The following PTDSS1 variants were observed in gnomAD, a reference collection of about 807,000 sequenced individuals.
The protein encoded by PTDSS1 is phosphatidylserine synthase 1.
In PTDSS1, 45 loss-of-function variants were observed where a neutral mutation model predicts 70.5. The observed-to-expected ratio is 0.64, with a 90% CI of 0.50 to 0.82. PTDSS1 has a LOEUF of 0.82. Ranked by LOEUF, PTDSS1 falls within the 40% of genes least tolerant of loss-of-function variation. PTDSS1 has a pLI of 0.00. For missense variants in PTDSS1, 417 were observed against 586.1 expected (o/e 0.71, Z 2.98); for synonymous variants, 188 against 203.8 (o/e 0.92, Z 0.66).
At chr8:96,316,575 G>A (rs1401830637) in intron 9 of PTDSS1, among the ~76,000 whole-genome samples, 1 of 152,178 alleles carries the variant, frequency 6.6e-6, no homozygotes, top group African/African-American at 2.4e-5. Flanking sequence ...AGGAAGCGGG[G>A]CATGGGTGGG....
intron 2 of PTDSS1, among the ~76,000 whole-genome samples, chr8:96,279,858 C>A (rs1409215822): frequency 7.0e-6 from 1 of 142,622 alleles, no homozygotes; most frequent in Non-Finnish European, 1.5e-5. Context: ...AATAAATTTT[C>A]TTTTCCTTAG....
At chr8:96,290,641 T>G (rs1810889977) in intron 4 of PTDSS1, among the ~76,000 whole-genome samples, 1 of 152,132 alleles carries the variant, frequency 6.6e-6, no homozygotes, top group South Asian at 2.1e-4. Context: ...TTCTTTAAAT[T>G]GTCTTTTGCA....
intron 4 of PTDSS1, among the ~76,000 whole-genome samples, chr8:96,294,378 G>A (rs923211370): frequency 5.3e-5 from 8 of 152,076 alleles, no homozygotes; most frequent in Non-Finnish European, 1.0e-4. Context: ...CCCAGTAAAT[G>A]TTATATTATC....
At chr8:96,306,149 G>A (rs540854117) in intron 7 of PTDSS1, among the ~76,000 whole-genome samples, 3 of 152,284 alleles carry the variant, frequency 2.0e-5, no homozygotes, top group Admixed American at 2.0e-4. Context: ...GATCACATGT[G>A]TGAGCTGAGT....
At chr8:96,306,125 C>T (rs1010993819) in intron 7 of PTDSS1, among the ~76,000 whole-genome samples, 11 of 152,154 alleles carry the variant, frequency 7.2e-5, no homozygotes, top group African/African-American at 1.4e-4. Flanking sequence ...ATTTCTCTCC[C>T]GACTATCCCA....
intron 4 of PTDSS1, 120 bp downstream of exon 4, chr8:96,287,266 A>T: frequency 1.5e-6 from 2 of 1,367,834 alleles, no homozygotes; most frequent in East Asian, 4.6e-5. Flanking sequence ...TTACCTAAAA[A>T]CCAGGTCTCT....
intron 1 of PTDSS1, among the ~76,000 whole-genome samples, chr8:96,269,228 C>A (rs1586180451): frequency 6.6e-6 from 1 of 152,286 alleles, no homozygotes; most frequent in South Asian, 2.1e-4. Flanking sequence ...ATACCTACTT[C>A]CACTCTGCCT....
intron 2 of PTDSS1, among the ~76,000 whole-genome samples, chr8:96,282,494 A>G (rs899119523): frequency 6.6e-6 from 1 of 152,188 alleles, no homozygotes; most frequent in Admixed American, 6.5e-5. Context: ...ACCCCTAACC[A>G]TCTGAGTTCT....
intron 9 of PTDSS1, among the ~76,000 whole-genome samples, chr8:96,310,311 C>T (rs186417085): frequency 1.7e-4 from 26 of 151,152 alleles, no homozygotes; most frequent in African/African-American, 2.2e-4. Flanking sequence ...ATTACAGGTG[C>T]GCACCACCAC....
intron 2 of PTDSS1, among the ~76,000 whole-genome samples, chr8:96,276,937 T>C (rs1810651126): frequency 6.7e-6 from 1 of 149,774 alleles, no homozygotes; most frequent in African/African-American, 2.5e-5. Flanking sequence ...TGCCCTACCA[T>C]CCTTTCTTCT....
rs187885209 is a variant in PTDSS1 at position 96,294,719 on chromosome 8, G to A, written c.442-379G>A. Among the ~76,000 whole-genome samples the A allele has an allele frequency of 9.2e-5, 14 of 152,238 alleles. No individual in the cohort carries two copies. In the East Asian group the frequency reaches 2.7e-3, roughly 29 times the overall value. ...TCTTTAATCCATGATACTTAGAAAT[G>A]TGTGTTTAAATTTCCAAATCTATTG... On this transcript the variant is annotated intron_variant, in intron 4 of 12. Transcript: ENST00000517309.
rs748543683 is a variant in PTDSS1, at chr8:96,287,127, C to A, written c.422C>A (p.Thr141Lys). The change falls in exon 4 of 13, where the codon ACA becomes AAA. Residue 141 changes from threonine to lysine, a missense_variant. Coordinates refer to ENST00000517309, the MANE Select transcript of PTDSS1 (RefSeq NM_014754.3). ...YWLDPNLRYA[T>K]READVMEYAV... ...CTAGATCCAAATCTTCGATACGCCA[C>A]AAGGGAAGCAGATGTCATGGTATGT... The A allele has an allele frequency of 2.0e-5, 33 of 1,614,036 alleles. No homozygotes were observed. Among genetic ancestry groups the A allele is most frequent in the Middle Eastern group, 3.3e-4 (2 of 6,084 alleles).
chr8:96,273,496 G>T (rs960873192), intron 2 of PTDSS1, 106 bp downstream of exon 2: 7 of 884,804 alleles, frequency 7.9e-6, no homozygotes, highest in Admixed American at 5.6e-5. Context: ...TCTGAGTTTT[G>T]TGTAGTGGTT....
chr8:96,278,267 G>C (rs960701196), intron 2 of PTDSS1, among the ~76,000 whole-genome samples: 4 of 152,252 alleles, frequency 2.6e-5, no homozygotes, highest in Non-Finnish European at 5.9e-5. Flanking sequence ...ATAGTGTTTA[G>C]AGGAGTAGGT....
intron 10 of PTDSS1, among the ~76,000 whole-genome samples, chr8:96,320,836 A>G (rs554512710): frequency 1.3e-5 from 2 of 152,316 alleles, no homozygotes; most frequent in African/African-American, 4.8e-5. Flanking sequence ...GTTATAACCC[A>G]AGCCTGGATA....
chr8:96,293,948 A>G lies in PTDSS1; in HGVS notation c.442-1150A>G, dbSNP rs146216415. Reference sequence around the variant, plus strand: ...TCAGCCTGTGATTCTCTGTGACAAGAACGTGCTGTTCCAGAGTCCGGGAAG... The same window carrying G: ...TCAGCCTGTGATTCTCTGTGACAAGGACGTGCTGTTCCAGAGTCCGGGAAG... On this transcript the variant is annotated intron_variant, in intron 4 of 12. Coordinates refer to ENST00000517309, the MANE Select transcript of PTDSS1 (RefSeq NM_014754.3). Among the ~76,000 whole-genome samples the G allele has an allele frequency of 3.1e-4, 47 of 152,326 alleles. No individual in the cohort carries two copies. In the East Asian group the frequency reaches 8.7e-3, roughly 28 times the overall value.
chr8:96,317,071 G>GTGTGTGTA (rs33916906), intron 9 of PTDSS1, among the ~76,000 whole-genome samples: 44,302 of 148,318 alleles, frequency 0.3, 7,080 homozygotes, highest in African/African-American at 0.35. Context: ...GTGTGTGTGT[G>GTGTGTGTA]TATATATATA....
Position 96,261,923 on chromosome 8 carries a change from TG to T in PTDSS1, c.-115del. On this transcript the variant is annotated 5_prime_UTR_variant, in exon 1 of 13. Transcript: ENST00000517309. ...CCTTCCCTCTGCTCCCAGCCTTTGC[TG>T]GGCGCCAGACCCGGCTTTGCCGTCC... 1 of 1,112,640 alleles carries T rather than the reference TG, an allele frequency of 9.0e-7. No individual in the cohort carries two copies. The highest frequency in any genetic ancestry group is 1.3e-6 in the Non-Finnish European group (1 of 797,384). The allele number at this position is 1,112,640 out of a possible 1,614,324, so 68.9% of individuals were successfully genotyped here.
chr8:96,320,098 T>C, intron 9 of PTDSS1, 148 bp from the exon 10 acceptor site: 1 of 658,334 alleles, frequency 1.5e-6, no homozygotes, highest in South Asian at 1.9e-5. Context: ...GCTTGAACAG[T>C]GTTATTTTGT....
Sources: gnomAD v4.1 joint callset for allele counts (sites outside exome capture counted in the v4.1 genomes callset) on GRCh38, gnomAD v4.1.1 for gene constraint, MANE v1.5 for transcripts, NCBI Gene and HGNC (gene_info 2026-07-23, HGNC 2026-07-21) for gene names.